Variants in AMPH observed in about 807,000 individuals in gnomAD.
The protein encoded by AMPH is amphiphysin, also known as amphiphysin (Stiff-Mann syndrome with breast cancer 128kD autoantigen).
A neutral mutation model predicts 99.1 loss-of-function variants in AMPH; 49 were observed. The ratio of observed to expected loss-of-function variants is 0.49; its 90% CI spans 0.39 to 0.63. AMPH has a LOEUF of 0.63. Among genes scored for constraint, AMPH ranks in the 20% least tolerant of loss-of-function variants. The pLI is 0.00. For synonymous variants in AMPH, 314 were observed against 317.3 expected (o/e 0.99, Z 0.11); for missense variants, 759 against 863.4 (o/e 0.88, Z 1.52).
chr7:38,617,094 T>A (rs1418245830), intron 1 of AMPH, among the ~76,000 whole-genome samples: 2 of 152,266 alleles, frequency 1.3e-5, no homozygotes, highest in Non-Finnish European at 2.9e-5. Context: ...ACTTACTACA[T>A]GTATTTCATA....
intron 1 of AMPH, among the ~76,000 whole-genome samples, chr7:38,609,965 G>T (rs1162338696): frequency 6.6e-6 from 1 of 151,850 alleles, no homozygotes; most frequent in African/African-American, 2.4e-5. Context: ...GGTGGCTCAT[G>T]CCTGTAATCC....
chr7:38,623,915 A>G lies in AMPH; in HGVS notation c.69+7368T>C, dbSNP rs949454612. On this transcript the variant is annotated intron_variant, in intron 1 of 20. Transcript: ENST00000356264. Reference sequence around the variant, plus strand: ...TGCACTGAAGCACATGACTCTGCCAATATTTGACTGTTTGACTCACAAATA... The same window carrying G: ...TGCACTGAAGCACATGACTCTGCCAGTATTTGACTGTTTGACTCACAAATA... Among the ~76,000 whole-genome samples, 8 of 152,342 alleles carry G rather than the reference A, an allele frequency of 5.3e-5. 1 individual carries two copies. Among genetic ancestry groups the G allele is most frequent in the Non-Finnish European group, 1.0e-4 (7 of 68,030 alleles).
At chr7:38,428,955 T>C in intron 14 of AMPH, 1 of 1,219,670 alleles carries the variant, frequency 8.2e-7, no homozygotes. Context: ...TCCTATGGTA[T>C]TAAGAAGTTC....
intron 2 of AMPH, among the ~76,000 whole-genome samples, chr7:38,528,370 G>C (rs753195081): frequency 6.6e-6 from 1 of 152,030 alleles, no homozygotes; most frequent in Non-Finnish European, 1.5e-5. Context: ...AGAGGGTGTG[G>C]AGATTTTTTT....
At chr7:38,395,438 T>G (rs979115089) in intron 17 of AMPH, among the ~76,000 whole-genome samples, 5 of 152,196 alleles carry the variant, frequency 3.3e-5, no homozygotes, top group Non-Finnish European at 4.4e-5. Context: ...AAGAAGAGTT[T>G]TAAGTACTAT....
intron 4 of AMPH, among the ~76,000 whole-genome samples, chr7:38,492,789 T>TAGAA (rs148578217): frequency 0.026 from 3,904 of 152,262 alleles, 60 homozygotes; most frequent in South Asian, 0.088. Flanking sequence ...TTGCCACACA[T>TAGAA]AGAAGGTAAC....
chr7:38,425,865 C>G (rs539251397), intron 15 of AMPH, among the ~76,000 whole-genome samples: 5 of 152,210 alleles, frequency 3.3e-5, no homozygotes, highest in Admixed American at 3.3e-4. Flanking sequence ...AATAAAAGCC[C>G]TTATAAAAGT....
At chr7:38,572,261 A>C (rs1326595401) in intron 1 of AMPH, among the ~76,000 whole-genome samples, 1 of 152,028 alleles carries the variant, frequency 6.6e-6, no homozygotes, top group African/African-American at 2.4e-5. Flanking sequence ...TTCTATGTTT[A>C]GATACACAAA....
At chr7:38,522,931 A>AC (rs202135806) in intron 2 of AMPH, among the ~76,000 whole-genome samples, 2,069 of 151,602 alleles carry the variant, frequency 0.014, 23 homozygotes, top group Non-Finnish European at 0.021. Flanking sequence ...ACATAGTGAA[A>AC]CCCCCATCTT....
In AMPH at chr7:38,569,901, T is replaced by C. The variant is rs528731476; in HGVS notation, c.70-34890A>G. Among the ~76,000 whole-genome samples the C allele has an allele frequency of 3.3e-5, 5 of 152,322 alleles. No homozygotes were observed. The East Asian group carries it at 9.6e-4, about 29-fold the overall frequency. ...ATAAAAACAGAAAACCAAAATATCA[T>C]AATTATGTTACATTTGTCAGGTCAT... On this transcript the variant is annotated intron_variant, in intron 1 of 20. Coordinates refer to ENST00000356264, the MANE Select transcript of AMPH (RefSeq NM_001635.4).
intron 1 of AMPH, among the ~76,000 whole-genome samples, chr7:38,541,918 G>A (rs1790822338): frequency 6.6e-6 from 1 of 152,212 alleles, no homozygotes; most frequent in Non-Finnish European, 1.5e-5. Context: ...AAAAGGCAGT[G>A]CAGTAAGCAC....
chr7:38,599,921 TCATA>T (rs1417258148), intron 1 of AMPH, among the ~76,000 whole-genome samples: 1 of 152,028 alleles, frequency 6.6e-6, no homozygotes, highest in Admixed American at 6.5e-5. Context: ...ATGAGTCTCC[TCATA>T]CAGAGCACTG....
intron 1 of AMPH, among the ~76,000 whole-genome samples, chr7:38,539,275 T>A (rs76587451): frequency 0.1 from 15,697 of 152,118 alleles, 1,078 homozygotes; most frequent in Middle Eastern, 0.2. Context: ...GGGCTATTAG[T>A]GGAATGGCAG....
intron 2 of AMPH, among the ~76,000 whole-genome samples, chr7:38,529,220 C>G (rs73122288): frequency 0.026 from 4,004 of 152,318 alleles, 82 homozygotes; most frequent in Admixed American, 0.052. Flanking sequence ...TAATCCAGAA[C>G]ATGACCACCA....
At chr7:38,509,666 T>G (rs930460229) in intron 2 of AMPH, among the ~76,000 whole-genome samples, 7 of 152,180 alleles carry the variant, frequency 4.6e-5, no homozygotes, top group African/African-American at 1.7e-4. Context: ...TCTCTCTGTG[T>G]GTGAGGAGAC....
chr7:38,385,959 T>C (rs566244559), intron 20 of AMPH, among the ~76,000 whole-genome samples: 25 of 152,132 alleles, frequency 1.6e-4, no homozygotes, highest in African/African-American at 6.0e-4. Flanking sequence ...CCAGGTTTAG[T>C]CTGAACAAAC....
chr7:38,392,806 T>A (rs1784548858), intron 18 of AMPH: 1 of 152,424 alleles, frequency 6.6e-6, no homozygotes, highest in African/African-American at 2.4e-5. Context: ...TGAACCATGC[T>A]TGCTGATGAA....
In AMPH at chr7:38,491,833, G is replaced by T. The variant is rs115303406; in HGVS notation, c.301-688C>A. 6.8e-3 allele frequency among the ~76,000 whole-genome samples: 1,035 copies of T among 152,240 alleles called. 18 individuals are homozygous for T. The highest frequency in any genetic ancestry group is 0.024 in the African/African-American group (984 of 41,544). On this transcript the variant is annotated intron_variant, in intron 4 of 20. Transcript: ENST00000356264. Reference sequence around the variant, plus strand: ...CAGACACAGGCTTCAACTCAGATTTGTCTCCTTGAACTCAAAGCCATGATA... The same window carrying T: ...CAGACACAGGCTTCAACTCAGATTTTTCTCCTTGAACTCAAAGCCATGATA...
chr7:38,454,663 A>G (rs1057419828), intron 11 of AMPH, among the ~76,000 whole-genome samples: 1 of 152,230 alleles, frequency 6.6e-6, no homozygotes, highest in Non-Finnish European at 1.5e-5. Context: ...CATGTAAATA[A>G]TATGCCCCTG....
Sources: gnomAD v4.1 joint callset for allele counts (sites outside exome capture counted in the v4.1 genomes callset) on GRCh38, gnomAD v4.1.1 for gene constraint, MANE v1.5 for transcripts, NCBI Gene and HGNC (gene_info 2026-07-23, HGNC 2026-07-21) for gene names.